The following TTN variants were observed in gnomAD, a reference collection of about 807,000 sequenced individuals.
TTN encodes connectin.
TTN carries 1,525 observed loss-of-function variants against 3,223.0 expected under a neutral mutation model. The observed-to-expected ratio is 0.47, with a 90% CI of 0.45 to 0.49. The LOEUF is 0.49. Ranked by LOEUF, TTN falls within the 20% of genes least tolerant of loss-of-function variation. The pLI, the probability that TTN is intolerant of heterozygous loss-of-function variation, is 0.00. For missense variants in TTN, 40,786 were observed against 43,424.0 expected, an observed-to-expected ratio of 0.94 and a Z score of 5.40; for synonymous variants, 14,094 against 15,161.0, an observed-to-expected ratio of 0.93 and a Z score of 5.17.
intron 311 of TTN, 87 bp from the exon 312 acceptor site, chr2:178,583,993 G>T: frequency 7.5e-7 from 1 of 1,341,712 alleles, no homozygotes; most frequent in Non-Finnish European, 9.9e-7. Context: ...CTGCTGCTAA[G>T]TAACAAGCTC....
chr2:178,698,846 C>T lies in TTN; in HGVS notation c.30751G>A (p.Glu10251Lys). The T allele has an allele frequency of 6.5e-7, 1 of 1,544,284 alleles. No individual in the cohort carries two copies. Among genetic ancestry groups the T allele is most frequent in the Non-Finnish European group, 8.7e-7 (1 of 1,145,586 alleles). The change falls in exon 112 of 363, where the codon GAA becomes AAA. Residue 10251 changes from glutamate (E) to lysine (K), a missense_variant. Glu to Lys is a moderately conservative substitution (Grantham distance 56). Transcript: ENST00000589042. The stretch of plus-strand genomic sequence containing the variant: ...GCTTTTTGATTAATTATAATACCTT[C>T]ACGTGGTGTCATCTCTTTGGGCTTT... ...VAKPKEMTPR[E>K]EIVKKPPPPT...
chr2:178,645,073 T>G (rs560809211), intron 217 of TTN: 1 of 153,234 alleles, frequency 6.5e-6, no homozygotes, highest in East Asian at 1.9e-4. Flanking sequence ...TAGGTCTGTA[T>G]AGGGAAAGTG....
Position 178,537,115 on chromosome 2 carries a change from C to T in TTN, c.99994G>A (p.Glu33332Lys), listed in dbSNP as rs1327630158. Reference protein sequence around the residue: ...WITNYVVEKCEAKEGAEWQLV... With the variant: ...WITNYVVEKCKAKEGAEWQLV... ...TGCCATTCAGCCCCCTCCTTGGCCT[C>T]ACATTTTTCCACCACATAGTTGGTG... Residue 33332 changes from glutamate (E) to lysine (K), a missense_variant, in exon 356 of 363, where the codon GAG becomes AAG. Glu to Lys is a moderately conservative substitution (Grantham distance 56). Coordinates refer to ENST00000589042, the MANE Select transcript of TTN (RefSeq NM_001267550.2). 6.2e-7 allele frequency: 1 copy of T among 1,613,328 alleles called. No individual in the cohort carries two copies. Among genetic ancestry groups the T allele is most frequent in the Non-Finnish European group, 8.5e-7 (1 of 1,179,610 alleles).
chr2:178,728,508 C>A lies in TTN; in HGVS notation c.19418G>T (p.Arg6473Ile), dbSNP rs747454325. The A allele has an allele frequency of 6.2e-6, 10 of 1,609,470 alleles. No homozygotes were observed. The African/African-American group carries it at 1.3e-4, about 22-fold the overall frequency. ...GGGGTGAAGATACAAACCTAGCACT[C>A]TTAAGTAGGCATCACAGCTACTGCT... The part of the protein sequence containing the change: ...FGSSSCDAYL[R>I]VLDQNIPPSF... Residue 6473 changes from arginine to isoleucine, a missense_variant, in exon 66 of 363, where the codon AGA becomes ATA. Arg to Ile is a moderately conservative substitution (Grantham distance 97). Coordinates refer to ENST00000589042, the MANE Select transcript of TTN (RefSeq NM_001267550.2).
At chr2:178,684,784 G>T (rs756539222) in intron 130 of TTN, 35 bp from the exon 131 acceptor site, 1 of 1,594,454 alleles carries the variant, frequency 6.3e-7, no homozygotes, top group Non-Finnish European at 8.6e-7. Context: ...TCAAACATAC[G>T]ATATGGAAAA....
In TTN at chr2:178,552,258, T is replaced by A. The variant is rs552314114; in HGVS notation, c.90642A>T (p.Ala30214=). The A allele has an allele frequency of 1.4e-5, 23 of 1,613,514 alleles. No homozygotes were observed. In the African/African-American group the frequency reaches 2.9e-4, roughly 21 times the overall value. The part of the protein sequence containing the change: ...VILDNAVCRI[A]VPITVITLGP... Reference sequence around the variant, plus strand: ...CAAGGGTGATGACTGTAATGGGGACTGCAATTCTACACACTGCATTATCAA... The same window carrying A: ...CAAGGGTGATGACTGTAATGGGGACAGCAATTCTACACACTGCATTATCAA... Residue 30214 remains alanine, a synonymous_variant, in exon 335 of 363, where the codon GCA becomes GCT. Coordinates refer to ENST00000589042, the MANE Select transcript of TTN (RefSeq NM_001267550.2).
chr2:178,710,573 C>T (rs774911323), intron 98 of TTN, 62 bp downstream of exon 98: 3 of 1,525,930 alleles, frequency 2.0e-6, no homozygotes, highest in Non-Finnish European at 2.6e-6. Context: ...AAAAACGACA[C>T]CTTCAGGCTA....
chr2:178,549,429 C>T lies in TTN; in HGVS notation c.92197G>A (p.Gly30733Ser). 1 of 1,611,706 alleles carries T rather than the reference C, an allele frequency of 6.2e-7. No homozygotes were observed. Among genetic ancestry groups the T allele is most frequent in the Non-Finnish European group, 8.5e-7 (1 of 1,178,110 alleles). The change falls in exon 339 of 363, where the codon GGC becomes AGC. Residue 30733 changes from glycine (G) to serine (S), a missense_variant. Physicochemically the swap from Gly to Ser is moderately conservative, Grantham distance 56 (BLOSUM62 0). Coordinates refer to ENST00000589042, the MANE Select transcript of TTN (RefSeq NM_001267550.2). Reference sequence around the variant, plus strand: ...GCCCATGTCAGGGTAATGCTGTTGCCTGTTATGTTGCTAGGTTCTGGAATG... The same window carrying T: ...GCCCATGTCAGGGTAATGCTGTTGCTTGTTATGTTGCTAGGTTCTGGAATG... Reference protein sequence around the residue: ...PGIPEPSNITGNSITLTWARP... With the variant: ...PGIPEPSNITSNSITLTWARP...
In TTN at chr2:178,577,645, A is replaced by C; in HGVS notation, c.68781T>G (p.Ala22927=). 1 of 1,612,842 alleles carries C rather than the reference A, an allele frequency of 6.2e-7. No individual in the cohort carries two copies. Among genetic ancestry groups the C allele is most frequent in the Non-Finnish European group, 8.5e-7 (1 of 1,179,408 alleles). The change falls in exon 323 of 363, where the codon GCT becomes GCG. Residue 22927 remains alanine (A), a synonymous_variant. Coordinates refer to ENST00000589042, the MANE Select transcript of TTN (RefSeq NM_001267550.2). ...RAKNTAGAIS[A]PSESTETIIC... ...TAATGGTTTCTGTACTTTCTGATGG[A>C]GCACTGATAGCACCTGCTGTATTCT...
In TTN at chr2:178,594,449, A is replaced by G; in HGVS notation, c.58045T>C (p.Leu19349=). The G allele has an allele frequency of 6.2e-7, 1 of 1,613,188 alleles. No homozygotes were observed. The highest frequency in any genetic ancestry group is 8.5e-7 in the Non-Finnish European group (1 of 1,179,512). The change falls in exon 296 of 363, where the codon TTA becomes CTA. Residue 19349 remains leucine (L), a synonymous_variant. Coordinates refer to ENST00000589042, the MANE Select transcript of TTN (RefSeq NM_001267550.2). The stretch of plus-strand genomic sequence containing the variant: ...TACTCATAGGTATCACCTTCTTTTA[A>G]GCCTTTAACAGTGTATTTTCTGCTA... The part of the protein sequence containing the change: ...LLSRKYTVKG[L]KEGDTYEYRV...
rs373176585 is a variant in TTN at position 178,605,704 on chromosome 2, G to T, written c.53591C>A (p.Thr17864Lys). ...ILAVDPLGPP[T>K]SPERLTYTER... Reference sequence around the variant, plus strand: ...AGTGTATGTGAGCCTCTCTGGAGATGTTGGAGGACCTTTAGCCAGAGGCAA... The same window carrying T: ...AGTGTATGTGAGCCTCTCTGGAGATTTTGGAGGACCTTTAGCCAGAGGCAA... Residue 17864 changes from threonine (T) to lysine (K), a missense_variant, in exon 279 of 363, where the codon ACA (threonine) becomes AAA (lysine). Transcript: ENST00000589042. The T allele has an allele frequency of 6.5e-7, 1 of 1,530,934 alleles. No homozygotes were observed. The highest frequency in any genetic ancestry group is 1.3e-5 in the South Asian group (1 of 74,876). 94.8% of individuals were successfully genotyped at this position (1,530,934 alleles called of 1,614,324 possible). A position where few individuals can be genotyped will look rare whatever the true frequency, so the allele number is the denominator to read the frequency against.
At chr2:178,603,767 A>G (rs2054090224) in intron 282 of TTN, 109 bp downstream of exon 282, 1 of 1,090,458 alleles carries the variant, frequency 9.2e-7, no homozygotes, top group African/African-American at 1.6e-5. Flanking sequence ...TTTTATTTTA[A>G]TAAATAAAAT....
chr2:178,594,524 G>A lies in TTN; in HGVS notation c.57970C>T (p.Arg19324Trp), dbSNP rs1203435642. Residue 19324 changes from arginine to tryptophan, a missense_variant, in exon 296 of 363, where the codon CGG (arginine) becomes TGG (tryptophan). Arg to Trp is a moderately radical substitution (Grantham distance 101, BLOSUM62 -3). Coordinates refer to ENST00000589042, the MANE Select transcript of TTN (RefSeq NM_001267550.2). ...TGGAACTTCTCAGTCCCAATGAGCC[G>A]ACTTTCTAGGACATAGTTAATAATT... The part of the protein sequence containing the change: ...SEIINYVLES[R>W]LIGTEKFHKV... 6.8e-6 allele frequency: 11 copies of A among 1,613,172 alleles called. No individual in the cohort carries two copies. The highest frequency in any genetic ancestry group is 2.2e-5 in the East Asian group (1 of 44,768).
At chr2:178,678,047 C>A in intron 145 of TTN, 78 bp downstream of exon 145, 1 of 1,547,694 alleles carries the variant, frequency 6.5e-7, no homozygotes, top group Non-Finnish European at 8.8e-7. Context: ...AAATACTAAG[C>A]ATTAATTATA....
At chr2:178,800,350 C>T in intron 4 of TTN, 45 bp downstream of exon 4, 1 of 1,613,040 alleles carries the variant, frequency 6.2e-7, no homozygotes. Flanking sequence ...TAGACACAAA[C>T]CAGCTCTCTC....
chr2:178,745,893 T>C, intron 47 of TTN: 1 of 1,612,118 alleles, frequency 6.2e-7, no homozygotes, highest in East Asian at 2.2e-5. Flanking sequence ...TCAAAAAAAC[T>C]GTCTGTGTAG....
rs1025712241 is a variant in TTN, at chr2:178,568,198, C to G, written c.77934G>C (p.Glu25978Asp). Reference protein sequence around the residue: ...ENRYGQSFALESDPIVAQYPY... With the variant: ...ENRYGQSFALDSDPIVAQYPY... ...GATATTGAGCTACAATTGGATCAGACTCTAAGGCAAAGCTTTGTCCATATC... is the reference window on the plus strand; with the variant it reads ...GATATTGAGCTACAATTGGATCAGAGTCTAAGGCAAAGCTTTGTCCATATC... Residue 25978 changes from glutamate (E) to aspartate (D), a missense_variant, in exon 326 of 363, where the codon GAG (glutamate) becomes GAC (aspartate). Glu to Asp is a conservative substitution (Grantham distance 45). Coordinates refer to ENST00000589042, the MANE Select transcript of TTN (RefSeq NM_001267550.2). The G allele has an allele frequency of 6.2e-7, 1 of 1,613,376 alleles. No homozygotes were observed. Among genetic ancestry groups the G allele is most frequent in the Non-Finnish European group, 8.5e-7 (1 of 1,179,600 alleles).
In TTN at chr2:178,713,346, T is replaced by C; in HGVS notation, c.26788A>G (p.Arg8930Gly). The C allele has an allele frequency of 6.5e-7, 1 of 1,549,754 alleles. No homozygotes were observed. Among genetic ancestry groups the C allele is most frequent in the Non-Finnish European group, 8.7e-7 (1 of 1,145,694 alleles). Reference protein sequence around the residue: ...SDRTVPPSFTRKLKETNGLSG... With the variant: ...SDRTVPPSFTGKLKETNGLSG... Reference sequence around the variant, plus strand: ...AGACCATTTGTCTCTTTCAATTTTCTTGTGAATGAAGGAGGAACGGTTCGG... The same window carrying C: ...AGACCATTTGTCTCTTTCAATTTTCCTGTGAATGAAGGAGGAACGGTTCGG... Residue 8930 changes from arginine (R) to glycine (G), a missense_variant, in exon 93 of 363, where the codon AGA becomes GGA. Transcript: ENST00000589042.
chr2:178,654,133 C>G, intron 193 of TTN, 38 bp from the exon 194 acceptor site: 1 of 1,594,110 alleles, frequency 6.3e-7, no homozygotes, highest in Non-Finnish European at 8.5e-7. Context: ...TTATGAATGG[C>G]GAAGGTATAT....
Sources: allele counts gnomAD v4.1 joint callset, GRCh38; gene constraint gnomAD v4.1.1; transcripts MANE v1.5; gene names NCBI Gene and HGNC (gene_info 2026-07-23, HGNC 2026-07-21).